Variants in TTC3 observed in about 807,000 individuals in gnomAD.
TTC3 encodes the protein E3 ubiquitin-protein ligase TTC3.
TTC3 carries 180 observed loss-of-function variants against 249.6 expected under a neutral mutation model. That is an observed-to-expected ratio of 0.72 (90% CI 0.64 to 0.82). The LOEUF is 0.82. TTC3 is among the 40% of genes least tolerant of loss of function. TTC3 has a pLI of 0.00. For synonymous variants in TTC3, 717 were observed against 805.0 expected, an observed-to-expected ratio of 0.89 and a Z score of 1.85; for missense variants, 2,061 against 2,398.4, an observed-to-expected ratio of 0.86 and a Z score of 2.94.
At chr21:37,178,008 T>G (rs2148133260) in intron 35 of TTC3, among the ~76,000 whole-genome samples, 1 of 152,332 alleles carries the variant, frequency 6.6e-6, no homozygotes, top group Admixed American at 6.5e-5. Context: ...TGGCAACCAC[T>G]GATTTACTCT....
At chr21:37,122,467 A>G (rs1375494194) in intron 12 of TTC3, among the ~76,000 whole-genome samples, 2 of 146,138 alleles carry the variant, frequency 1.4e-5, no homozygotes, top group African/African-American at 2.5e-5. Context: ...TTTTTTATAT[A>G]TATAGCAGAA....
exon 46 of TTC3, chr21:37,202,327 C>T (rs933907865): frequency 2.0e-5 from 3 of 152,168 alleles, no homozygotes; most frequent in African/African-American, 4.8e-5. Flanking sequence ...GCTGTGTGTC[C>T]GTCATCCCAG....
intron 13 of TTC3, 40 bp downstream of exon 13, chr21:37,123,068 T>C (rs759229914): frequency 6.3e-7 from 1 of 1,595,336 alleles, no homozygotes; most frequent in South Asian, 1.1e-5. Flanking sequence ...CTACTAGGAA[T>C]GGCTTTGCTG....
rs146377031 is a variant in TTC3, at chr21:37,187,022, GT to G, written c.4827-17del. 14,782 of 1,356,202 alleles carry G rather than the reference GT, an allele frequency of 0.011. 794 individuals carry two copies. In the African/African-American group the frequency reaches 0.15, roughly 14 times the overall value. 84.0% of individuals were successfully genotyped at this position (1,356,202 alleles called of 1,614,324 possible). On this transcript the variant is annotated intron_variant, in intron 37 of 45. Transcript: ENST00000355666. ...TCACTGTGAAATTTTGTTCAAGAAA[GT>G]TTTTTTTTTCCTTCAATATTTGTAG...
chr21:37,103,296 C>A (rs977148939), intron 10 of TTC3, among the ~76,000 whole-genome samples: 6 of 152,162 alleles, frequency 3.9e-5, no homozygotes, highest in African/African-American at 1.2e-4. Context: ...AGTTGGAGCA[C>A]CTGGACTAGA....
intron 33 of TTC3, 148 bp from the exon 34 acceptor site, chr21:37,167,407 C>A: frequency 7.4e-6 from 4 of 544,208 alleles, no homozygotes; most frequent in African/African-American, 2.0e-5. Flanking sequence ...TCCTAATATA[C>A]ATGTTTACGG....
intron 12 of TTC3, among the ~76,000 whole-genome samples, chr21:37,122,392 T>G (rs1363604864): frequency 6.9e-6 from 1 of 145,732 alleles, no homozygotes; most frequent in Non-Finnish European, 1.5e-5. Context: ...GTGCTAATTC[T>G]GCAGCGTGCT....
chr21:37,136,475 T>C (rs546739860), intron 18 of TTC3, among the ~76,000 whole-genome samples: 87 of 152,128 alleles, frequency 5.7e-4, no homozygotes, highest in Non-Finnish European at 9.7e-4. Flanking sequence ...GTGGTCTGGG[T>C]AGAAGATCAA....
chr21:37,093,081 T>G (rs1454845876), intron 7 of TTC3, among the ~76,000 whole-genome samples: 1 of 152,038 alleles, frequency 6.6e-6, no homozygotes, highest in Non-Finnish European at 1.5e-5. Flanking sequence ...CGCTATGACA[T>G]TCAAAGGAAA....
chr21:37,080,186 A>G (rs76798979), intron 1 of TTC3, among the ~76,000 whole-genome samples: 1,602 of 152,200 alleles, frequency 0.011, 22 homozygotes, highest in African/African-American at 0.036. Context: ...TATCTAACAT[A>G]GTTTAATTTA....
intron 20 of TTC3, 36 bp downstream of exon 20, chr21:37,140,709 G>C: frequency 7.1e-7 from 1 of 1,414,830 alleles, no homozygotes; most frequent in Non-Finnish European, 9.7e-7. Flanking sequence ...GCTCTAGGCT[G>C]GTAACTCATT....
chr21:37,122,419 A>ATAAT (rs1555879495), intron 12 of TTC3, among the ~76,000 whole-genome samples: 1 of 38,030 alleles, frequency 2.6e-5, no homozygotes, highest in East Asian at 5.6e-4. Flanking sequence ...ATATATATAT[A>ATAAT]ATATATATAT....
intron 18 of TTC3, among the ~76,000 whole-genome samples, chr21:37,137,451 G>C (rs1202762681): frequency 6.6e-6 from 1 of 152,174 alleles, no homozygotes; most frequent in Non-Finnish European, 1.5e-5. Flanking sequence ...CAGGACATTA[G>C]TGGAGGAAGT....
At chr21:37,159,590 A>G in intron 28 of TTC3, 109 bp from the exon 29 acceptor site, 1 of 1,236,418 alleles carries the variant, frequency 8.1e-7, no homozygotes, top group Non-Finnish European at 1.1e-6. Flanking sequence ...AATAAGGAAT[A>G]GAACATGGCC....
chr21:37,202,639 A>G (rs1181278572), exon 46 of TTC3: 2 of 152,390 alleles, frequency 1.3e-5, no homozygotes, highest in East Asian at 1.9e-4. Context: ...ATTAGAAACC[A>G]TGAAAAAATT....
chr21:37,123,890 A>G (rs979547448), intron 13 of TTC3, among the ~76,000 whole-genome samples: 1 of 151,804 alleles, frequency 6.6e-6, no homozygotes, highest in Non-Finnish European at 1.5e-5. Flanking sequence ...CTGGGGCCAC[A>G]GGCGGCTGCC....
intron 11 of TTC3, among the ~76,000 whole-genome samples, chr21:37,119,380 T>C (rs73391004): frequency 0.039 from 5,970 of 152,294 alleles, 157 homozygotes; most frequent in Middle Eastern, 0.071. Flanking sequence ...TCCTGATTTG[T>C]TTCCGTTCCG....
intron 7 of TTC3, chr21:37,093,246 G>A (rs942637918): frequency 2.6e-5 from 4 of 152,248 alleles, no homozygotes; most frequent in Non-Finnish European, 4.4e-5. Context: ...AGGTGTGGTG[G>A]CACATGCCTG....
intron 16 of TTC3, 48 bp from the exon 17 acceptor site, chr21:37,132,634 A>G (rs373535217): frequency 2.0e-5 from 30 of 1,487,610 alleles, no homozygotes; most frequent in African/African-American, 2.9e-5. Context: ...TTATATGAGT[A>G]GAACTTTTAT....
Sources: gnomAD v4.1 joint callset for allele counts (sites outside exome capture counted in the v4.1 genomes callset) on GRCh38, gnomAD v4.1.1 for gene constraint, MANE v1.5 for transcripts, NCBI Gene and HGNC (gene_info 2026-07-23, HGNC 2026-07-21) for gene names.